DYNC2I2: variants seen among roughly 807,000 people sequenced by gnomAD.
The protein encoded by DYNC2I2 is cytoplasmic dynein 2 intermediate chain 2.
DYNC2I2 carries 39 observed loss-of-function variants against 52.0 expected under a neutral mutation model. That is an observed-to-expected ratio of 0.75 (90% CI 0.58 to 0.98). The LOEUF (loss-of-function observed/expected upper bound fraction) is 0.98. DYNC2I2 is among the 50% of genes least tolerant of loss of function. The pLI is 0.00. For missense variants in DYNC2I2, 743 were observed against 728.4 expected, an observed-to-expected ratio of 1.02 and a Z score of -0.23; for synonymous variants, 359 against 321.1, an observed-to-expected ratio of 1.12 and a Z score of -1.26.
chr9:128,643,103 C>T (rs916441613), intron 1 of DYNC2I2, among the ~76,000 whole-genome samples: 2 of 151,708 alleles, frequency 1.3e-5, no homozygotes, highest in Admixed American at 1.3e-4. Context: ...GAGGAAAATC[C>T]CCTGAGCGCC....
In DYNC2I2 at chr9:128,633,992, G is replaced by A; in HGVS notation, c.1373-10C>T. The A allele has an allele frequency of 1.9e-6, 3 of 1,612,890 alleles. No individual in the cohort carries two copies. The highest frequency in any genetic ancestry group is 2.5e-6 in the Non-Finnish European group (3 of 1,179,924). On this transcript the variant is annotated splice_polypyrimidine_tract_variant and intron_variant, in intron 8 of 8. Coordinates refer to ENST00000372715, the MANE Select transcript of DYNC2I2 (RefSeq NM_052844.4). The stretch of plus-strand genomic sequence containing the variant: ...AACAGCTGCACGTCACCTGCAAAGA[G>A]AGACAGATACGTGGAGTAAGAGAAA...
In DYNC2I2 at chr9:128,634,231, C is replaced by T. The variant is rs1860307659; in HGVS notation, c.1367G>A (p.Gly456Glu). 6.2e-7 allele frequency: 1 copy of T among 1,613,692 alleles called. No homozygotes were observed. Among genetic ancestry groups the T allele is most frequent in the Non-Finnish European group, 8.5e-7 (1 of 1,180,018 alleles). ...GCCTAGCGGCCCCTTCCTACCTTTC[C>T]CAGAGGCAGCTGCAAAAACCAAGGG... ...VRPLVFAAAS[G>E]KGDVQLFDLQ... is the part of the protein sequence containing the mutation. The change falls in exon 8 of 9, where the codon GGG becomes GAG. Residue 456 changes from glycine (G) to glutamate (E), a missense_variant. Physicochemically the swap from Gly to Glu is moderately conservative, Grantham distance 98. Transcript: ENST00000372715.
chr9:128,666,974 G>A, the DYNC2I2 span, among the ~76,000 whole-genome samples: 1 of 151,856 alleles, frequency 6.6e-6, no homozygotes, highest in Admixed American at 6.6e-5. Flanking sequence ...GCAGAGGGGG[G>A]TGGATCACGA....
chr9:128,683,866 G>T, the DYNC2I2 span: 1 of 1,529,686 alleles, frequency 6.5e-7, no homozygotes, highest in Non-Finnish European at 8.8e-7. Context: ...GAGGAGACTC[G>T]TGGTCTGGTT....
intron 1 of DYNC2I2, among the ~76,000 whole-genome samples, chr9:128,649,495 C>T (rs1046783671): frequency 6.6e-6 from 1 of 151,504 alleles, no homozygotes; most frequent in African/African-American, 2.4e-5. Flanking sequence ...TCGAGACCAG[C>T]CTGGCCAACA....
At chr9:128,648,275 C>T (rs918115515) in intron 1 of DYNC2I2, among the ~76,000 whole-genome samples, 1 of 151,610 alleles carries the variant, frequency 6.6e-6, no homozygotes, top group African/African-American at 2.4e-5. Flanking sequence ...GGTATGGTGG[C>T]ACACGCCTGT....
the DYNC2I2 span, among the ~76,000 whole-genome samples, chr9:128,669,225 C>T: frequency 1.3e-5 from 2 of 151,504 alleles, no homozygotes; most frequent in South Asian, 4.2e-4. Context: ...ATTAGCCAGG[C>T]GTGGTGGCAT....
the DYNC2I2 span, among the ~76,000 whole-genome samples, chr9:128,669,986 AC>A: frequency 6.6e-6 from 1 of 152,134 alleles, no homozygotes; most frequent in Non-Finnish European, 1.5e-5. Flanking sequence ...GCCTAAAAAT[AC>A]AAAAATTGAC....
At chr9:128,640,173 A>T (rs1860486593) in intron 2 of DYNC2I2, among the ~76,000 whole-genome samples, 1 of 151,718 alleles carries the variant, frequency 6.6e-6, no homozygotes, top group African/African-American at 2.4e-5. Context: ...ACGCCCGGCT[A>T]ATTTTTTTTT....
chr9:128,640,666 G>A (rs373793197), intron 2 of DYNC2I2, 25 bp downstream of exon 2: 28 of 1,604,388 alleles, frequency 1.7e-5, no homozygotes, highest in Middle Eastern at 1.7e-4. Context: ...GGCTCGACCC[G>A]AGGCTGCACC....
chr9:128,673,353 G>A, the DYNC2I2 span, among the ~76,000 whole-genome samples: 1 of 152,112 alleles, frequency 6.6e-6, no homozygotes, highest in African/African-American at 2.4e-5. Flanking sequence ...TGTTTTGTTT[G>A]TTTGTTTTCA....
At chr9:128,646,304 G>A (rs1035645856) in intron 1 of DYNC2I2, among the ~76,000 whole-genome samples, 2 of 152,142 alleles carry the variant, frequency 1.3e-5, no homozygotes, top group African/African-American at 4.8e-5. Context: ...TGCCTCCTGG[G>A]TTCTAGCAAT....
the DYNC2I2 span, among the ~76,000 whole-genome samples, chr9:128,673,825 T>TTTG: frequency 1.4e-5 from 2 of 146,248 alleles, no homozygotes; most frequent in African/African-American, 5.1e-5. Flanking sequence ...TTTTTTTTTT[T>TTTG]GAGATGAAGT....
chr9:128,676,688 C>T, the DYNC2I2 span, among the ~76,000 whole-genome samples: 4 of 151,948 alleles, frequency 2.6e-5, no homozygotes, highest in Non-Finnish European at 5.9e-5. Flanking sequence ...CCTGTCACCA[C>T]GCCAGGCTAA....
At chr9:128,647,062 T>C (rs532110766) in intron 1 of DYNC2I2, among the ~76,000 whole-genome samples, 1 of 151,848 alleles carries the variant, frequency 6.6e-6, no homozygotes, top group African/African-American at 2.4e-5. Flanking sequence ...GAGGCAGAGG[T>C]TGTGGTGAGC....
chr9:128,641,274 C>CGGA (rs762241389), intron 1 of DYNC2I2, among the ~76,000 whole-genome samples: 4 of 152,048 alleles, frequency 2.6e-5, no homozygotes, highest in Non-Finnish European at 5.9e-5. Flanking sequence ...TCTGAAGATG[C>CGGA]GGAGGGCAGG....
intron 1 of DYNC2I2, among the ~76,000 whole-genome samples, chr9:128,642,410 C>G (rs909122422): frequency 7.2e-6 from 1 of 138,896 alleles, no homozygotes; most frequent in Admixed American, 7.8e-5. Flanking sequence ...GAGCCGAGAT[C>G]ATGCCACTGC....
chr9:128,638,293 C>T (rs975262630), intron 2 of DYNC2I2, among the ~76,000 whole-genome samples: 11 of 151,202 alleles, frequency 7.3e-5, no homozygotes, highest in Non-Finnish European at 1.6e-4. Context: ...CGGAGGCGGG[C>T]GGATCACAAG....
chr9:128,675,595 T>G, the DYNC2I2 span, among the ~76,000 whole-genome samples: 3 of 152,162 alleles, frequency 2.0e-5, no homozygotes, highest in African/African-American at 4.8e-5. Flanking sequence ...GCGCCACATG[T>G]AGGTCCAGCT....
Sources: allele counts gnomAD v4.1 joint callset (sites outside exome capture counted in the v4.1 genomes callset), GRCh38; gene constraint gnomAD v4.1.1; transcripts MANE v1.5; gene names NCBI Gene and HGNC (gene_info 2026-07-23, HGNC 2026-07-21).